CCDC60: variants seen among roughly 807,000 people sequenced by gnomAD.
The protein encoded by CCDC60 is coiled-coil domain containing 60, also known as coiled-coil domain-containing protein 60.
A neutral mutation model predicts 63.5 loss-of-function variants in CCDC60; 54 were observed. The observed-to-expected ratio is 0.85, with a 90% CI of 0.68 to 1.07. The LOEUF (loss-of-function observed/expected upper bound fraction) is 1.07. Among genes scored for constraint, CCDC60 ranks in the 50% least tolerant of loss-of-function variants. The pLI, the probability that CCDC60 is intolerant of heterozygous loss-of-function variation, is 0.00. For missense variants in CCDC60, 651 were observed against 684.3 expected (o/e 0.95, Z 0.54); for synonymous variants, 206 against 238.8 (o/e 0.86, Z 1.27).
intron 4 of CCDC60, 72 bp downstream of exon 4, chr12:119,479,273 G>C (rs79366051): frequency 4.8e-6 from 5 of 1,032,276 alleles, no homozygotes; most frequent in Admixed American, 1.9e-5. Flanking sequence ...ATGACTCAAC[G>C]AGCTGTCATG....
chr12:119,370,417 G>A (rs1955885736), intron 1 of CCDC60, among the ~76,000 whole-genome samples: 1 of 152,232 alleles, frequency 6.6e-6, no homozygotes, highest in Non-Finnish European at 1.5e-5. Flanking sequence ...GTCGAGTTGA[G>A]AAAAGAAGTG....
At chr12:119,409,201 G>A (rs542105438) in intron 1 of CCDC60, among the ~76,000 whole-genome samples, 3 of 152,264 alleles carry the variant, frequency 2.0e-5, no homozygotes, top group African/African-American at 4.8e-5. Flanking sequence ...GCCAACCTGG[G>A]TGCTGGGTGC....
intron 1 of CCDC60, among the ~76,000 whole-genome samples, chr12:119,427,078 C>A (rs767214635): frequency 3.9e-5 from 6 of 152,258 alleles, no homozygotes; most frequent in Middle Eastern, 6.8e-3. Context: ...TACCAACCAG[C>A]CTTTGTCAAA....
chr12:119,462,676 C>T (rs978074591), intron 2 of CCDC60, among the ~76,000 whole-genome samples: 1 of 152,130 alleles, frequency 6.6e-6, no homozygotes, highest in African/African-American at 2.4e-5. Context: ...TGCTGGAATG[C>T]AATGGCATGG....
At chr12:119,442,962 G>A (rs61938107) in intron 2 of CCDC60, among the ~76,000 whole-genome samples, 8,210 of 152,310 alleles carry the variant, frequency 0.054, 264 homozygotes, top group East Asian at 0.089. Context: ...TGACTTTAGC[G>A]TAGTCATCAG....
intron 1 of CCDC60, among the ~76,000 whole-genome samples, chr12:119,345,903 C>G (rs1368268418): frequency 6.6e-6 from 1 of 151,944 alleles, no homozygotes; most frequent in Non-Finnish European, 1.5e-5. Context: ...ATTCAATCTC[C>G]ACCTCCCGGG....
At chr12:119,341,774 C>T (rs1031358872) in intron 1 of CCDC60, among the ~76,000 whole-genome samples, 1 of 152,190 alleles carries the variant, frequency 6.6e-6, no homozygotes, top group Non-Finnish European at 1.5e-5. Flanking sequence ...GGCCAGGCCT[C>T]AGCTTAAGGG....
In CCDC60 at chr12:119,458,196, G is replaced by C. The variant is rs181801651; in HGVS notation, c.171-13798G>C. ...TAAACTGATTTATTTGCTATTATTT[G>C]AAAACAGTAAAATTTGTTAAGTGAA... On this transcript the variant is annotated intron_variant, in intron 2 of 13. Coordinates refer to ENST00000327554, the MANE Select transcript of CCDC60 (RefSeq NM_178499.5). 2.3e-3 allele frequency among the ~76,000 whole-genome samples: 357 copies of C among 152,320 alleles called. 1 individual carries two copies. Among genetic ancestry groups the C allele is most frequent in the Non-Finnish European group, 3.4e-3 (229 of 68,028 alleles).
chr12:119,499,570 C>G (rs761505506), intron 5 of CCDC60, among the ~76,000 whole-genome samples: 1 of 152,148 alleles, frequency 6.6e-6, no homozygotes, highest in African/African-American at 2.4e-5. Context: ...CACACAGTGT[C>G]GTAGAGAACT....
chr12:119,530,267 GT>G (rs34807849), intron 12 of CCDC60, among the ~76,000 whole-genome samples: 66 of 144,560 alleles, frequency 4.6e-4, no homozygotes, highest in East Asian at 6.1e-4. Context: ...GGGTGAGGGA[GT>G]TTTTTTTTTT....
At chr12:119,469,539 C>T (rs1951016680) in intron 2 of CCDC60, among the ~76,000 whole-genome samples, 1 of 152,152 alleles carries the variant, frequency 6.6e-6, no homozygotes, top group South Asian at 2.1e-4. Context: ...AGATTATAGG[C>T]ATGAACAACC....
At chr12:119,417,657 G>A (rs1593057373) in intron 1 of CCDC60, among the ~76,000 whole-genome samples, 2 of 152,128 alleles carry the variant, frequency 1.3e-5, no homozygotes, top group South Asian at 2.1e-4. Context: ...TGGTTAAGGT[G>A]TGACCTTAAT....
intron 7 of CCDC60, among the ~76,000 whole-genome samples, chr12:119,516,396 C>A (rs114492794): frequency 6.6e-6 from 1 of 152,184 alleles, no homozygotes; most frequent in African/African-American, 2.4e-5. Flanking sequence ...ATTAGCCAAA[C>A]GTAACACAGA....
chr12:119,473,604 C>T (rs188832265), intron 3 of CCDC60, among the ~76,000 whole-genome samples: 2 of 152,254 alleles, frequency 1.3e-5, no homozygotes, highest in Admixed American at 1.3e-4. Context: ...CCCTCACCCT[C>T]CTCCCACCCT....
chr12:119,508,954 C>T (rs780916930), intron 7 of CCDC60, among the ~76,000 whole-genome samples: 5 of 152,040 alleles, frequency 3.3e-5, no homozygotes, highest in African/African-American at 7.2e-5. Flanking sequence ...GCAAACTGAA[C>T]ACTGGCGCTG....
intron 1 of CCDC60, among the ~76,000 whole-genome samples, chr12:119,400,468 C>T (rs1163204083): frequency 6.6e-6 from 1 of 152,202 alleles, no homozygotes; most frequent in Non-Finnish European, 1.5e-5. Context: ...TGAAGGAAAC[C>T]AACATGTATT....
chr12:119,461,464 T>G (rs897070693), intron 2 of CCDC60, among the ~76,000 whole-genome samples: 7 of 152,164 alleles, frequency 4.6e-5, no homozygotes, highest in Admixed American at 4.6e-4. Context: ...TCTGTCCCTT[T>G]GGTCTGTCTT....
chr12:119,335,320 G>A, intron 1 of CCDC60, 54 bp downstream of exon 1: 2 of 1,329,978 alleles, frequency 1.5e-6, no homozygotes, highest in East Asian at 2.4e-5. Flanking sequence ...AGTGAAATAG[G>A]AATTAGCTGG....
intron 6 of CCDC60, among the ~76,000 whole-genome samples, chr12:119,502,424 T>C (rs1245981997): frequency 6.6e-6 from 1 of 152,156 alleles, no homozygotes; most frequent in Non-Finnish European, 1.5e-5. Flanking sequence ...AGATGGAACA[T>C]AGCAACTGGT....
Sources: allele counts gnomAD v4.1 joint callset (sites outside exome capture counted in the v4.1 genomes callset), GRCh38; gene constraint gnomAD v4.1.1; transcripts MANE v1.5; gene names NCBI Gene and HGNC (gene_info 2026-07-23, HGNC 2026-07-21).